CCDC158: variants seen among roughly 807,000 people sequenced by gnomAD.
The protein encoded by CCDC158 is coiled-coil domain containing 158, also known as coiled-coil domain-containing protein 158.
In CCDC158, 116 loss-of-function variants were observed where a neutral mutation model predicts 138.6. The ratio of observed to expected loss-of-function variants is 0.84; its 90% CI spans 0.72 to 0.98. CCDC158 has a LOEUF of 0.98. Among genes scored for constraint, CCDC158 ranks in the 50% least tolerant of loss-of-function variants. The pLI is 0.00. For synonymous variants in CCDC158, 436 were observed against 442.4 expected, an observed-to-expected ratio of 0.99 and a Z score of 0.18; for missense variants, 1,265 against 1,306.1, an observed-to-expected ratio of 0.97 and a Z score of 0.48.
At chr4:76,345,518 A>T (rs1722463546) in intron 18 of CCDC158, 6 of 938,006 alleles carry the variant, frequency 6.4e-6, no homozygotes, top group Non-Finnish European at 1.1e-5. Flanking sequence ...AAATGTCTGA[A>T]CTGGAAATAA....
intron 18 of CCDC158, among the ~76,000 whole-genome samples, chr4:76,343,806 AC>A (rs1451755163): frequency 3.3e-5 from 5 of 152,152 alleles, no homozygotes; most frequent in Non-Finnish European, 5.9e-5. Context: ...ATCTCAAAAA[AC>A]AAAACAAACA....
At chr4:76,408,253 T>C (rs993088853) in intron 2 of CCDC158, among the ~76,000 whole-genome samples, 1 of 151,920 alleles carries the variant, frequency 6.6e-6, no homozygotes, top group Non-Finnish European at 1.5e-5. Flanking sequence ...TTGTTACATA[T>C]GTACACATGT....
intron 12 of CCDC158, among the ~76,000 whole-genome samples, chr4:76,364,822 A>G (rs761608823): frequency 2.5e-4 from 38 of 152,220 alleles, no homozygotes; most frequent in Non-Finnish European, 4.6e-4. Flanking sequence ...CCAATGATAC[A>G]TCTGAAATAT....
chr4:76,392,622 C>G (rs754989457), intron 4 of CCDC158, among the ~76,000 whole-genome samples: 15 of 151,880 alleles, frequency 9.9e-5, no homozygotes, highest in Non-Finnish European at 1.6e-4. Context: ...CAACATAGTA[C>G]TGGAAGTCCT....
At chr4:76,368,705 G>A (rs1172260225) in intron 11 of CCDC158, among the ~76,000 whole-genome samples, 4 of 152,142 alleles carry the variant, frequency 2.6e-5, no homozygotes, top group Admixed American at 1.3e-4. Flanking sequence ...AGAGAGGCAA[G>A]TCTCTTTTGG....
Position 76,384,135 on chromosome 4 carries a change from T to C in CCDC158, c.679A>G (p.Arg227Gly). Residue 227 changes from arginine to glycine, a missense_variant, in exon 6 of 25, where the codon AGA becomes GGA. By Grantham distance (125) the Arg-to-Gly change is moderately radical (BLOSUM62 -2). Coordinates refer to ENST00000682701, the MANE Select transcript of CCDC158 (RefSeq NM_001394954.1). ...SLGSAISKIL[R>G]ELDTEISYLK... ...TAAGAAATCTCTGTGTCTAATTCTCTTAGTATTTTACTAATAGCTGAGCCC... is the reference window on the plus strand; with the variant it reads ...TAAGAAATCTCTGTGTCTAATTCTCCTAGTATTTTACTAATAGCTGAGCCC... 1 of 1,613,690 alleles carries C rather than the reference T, an allele frequency of 6.2e-7. No individual in the cohort carries two copies. Among genetic ancestry groups the C allele is most frequent in the Non-Finnish European group, 8.5e-7 (1 of 1,179,734 alleles).
At chr4:76,362,789 T>A (rs537677690) in intron 12 of CCDC158, among the ~76,000 whole-genome samples, 1 of 152,246 alleles carries the variant, frequency 6.6e-6, no homozygotes, top group East Asian at 1.9e-4. Flanking sequence ...TGGATAGCAA[T>A]AAACAAAACA....
At chr4:76,359,126 C>A (rs1723874260) in intron 13 of CCDC158, among the ~76,000 whole-genome samples, 1 of 151,908 alleles carries the variant, frequency 6.6e-6, no homozygotes, top group Non-Finnish European at 1.5e-5. Flanking sequence ...CTACTGCTAC[C>A]ATGTGAAGAT....
chr4:76,332,931 T>C lies in CCDC158; in HGVS notation c.2823-440A>G, dbSNP rs1721130337. The stretch of plus-strand genomic sequence containing the variant: ...TACTTCTGGCTTTTCCTCTGCTTCA[T>C]AGGAGGAGGCATGTCAATATATGCC... On this transcript the variant is annotated intron_variant, in intron 19 of 24. Transcript: ENST00000682701. Among the ~76,000 whole-genome samples, 3 of 152,184 alleles carry C rather than the reference T, an allele frequency of 2.0e-5. No individual in the cohort carries two copies. In the South Asian group the frequency reaches 6.2e-4, roughly 32 times the overall value.
chr4:76,371,333 T>C (rs1725215134), intron 10 of CCDC158, 84 bp downstream of exon 10: 4 of 1,368,294 alleles, frequency 2.9e-6, no homozygotes, highest in Admixed American at 2.1e-5. Flanking sequence ...TTTGTAATTT[T>C]ATAAAGGAAA....
chr4:76,341,181 C>T (rs1053949689), intron 18 of CCDC158, among the ~76,000 whole-genome samples: 1 of 151,978 alleles, frequency 6.6e-6, no homozygotes, highest in Non-Finnish European at 1.5e-5. Flanking sequence ...TTTCTAATGG[C>T]CTTAAGTCTA....
chr4:76,358,803 T>C (rs1723832267), intron 13 of CCDC158, among the ~76,000 whole-genome samples: 1 of 152,212 alleles, frequency 6.6e-6, no homozygotes, highest in South Asian at 2.1e-4. Flanking sequence ...TTTATCTCCC[T>C]ACTAGACTGT....
intron 18 of CCDC158, among the ~76,000 whole-genome samples, chr4:76,346,464 C>T (rs957241528): frequency 4.6e-5 from 7 of 152,194 alleles, no homozygotes; most frequent in Admixed American, 6.5e-5. Flanking sequence ...GTAATCCCAA[C>T]GCTTTGGGAG....
At chr4:76,394,604 T>C (rs137942970) in intron 4 of CCDC158, among the ~76,000 whole-genome samples, 7,342 of 152,154 alleles carry the variant, frequency 0.048, 389 homozygotes, top group East Asian at 0.23. Context: ...AATTTAATTG[T>C]ACATTTTCAA....
intron 4 of CCDC158, among the ~76,000 whole-genome samples, chr4:76,393,941 C>A (rs1727539033): frequency 6.6e-6 from 1 of 151,866 alleles, no homozygotes; most frequent in South Asian, 2.1e-4. Context: ...ATCAACTCAC[C>A]CCAGTTAAAA....
At chr4:76,391,210 G>A (rs1479939793) in intron 4 of CCDC158, among the ~76,000 whole-genome samples, 1 of 151,928 alleles carries the variant, frequency 6.6e-6, no homozygotes, top group Non-Finnish European at 1.5e-5. Context: ...ATAGACACAG[G>A]AATGTTCTGG....
intron 18 of CCDC158, among the ~76,000 whole-genome samples, chr4:76,349,868 C>T (rs189103650): frequency 6.6e-6 from 1 of 152,096 alleles, no homozygotes; most frequent in East Asian, 1.9e-4. Flanking sequence ...CTTGGTGACC[C>T]TAGAGGTCAT....
chr4:76,328,937 CCT>C lies in CCDC158; in HGVS notation c.2971_2972del (p.Arg991GlyfsTer30), dbSNP rs752470381. On this transcript the variant is annotated frameshift_variant, in exon 22 of 25. Coordinates refer to ENST00000682701, the MANE Select transcript of CCDC158 (RefSeq NM_001394954.1). LOFTEE classifies it high-confidence loss of function. The part of the protein sequence containing the change: ...REPVTLHAGD[R>X]EDPSGCFTFT... ...ATGTGAAGCAACCAGAGGGATCTTCCCTGTCTCCTGCGTGTAATGTGACTGGC... is the reference window on the plus strand; with the variant it reads ...ATGTGAAGCAACCAGAGGGATCTTCCGTCTCCTGCGTGTAATGTGACTGGC... 6.2e-7 allele frequency: 1 copy of C among 1,613,890 alleles called. No homozygotes were observed.
chr4:76,323,276 G>A (rs2110079661), intron 24 of CCDC158, 26 bp downstream of exon 24: 2 of 1,504,520 alleles, frequency 1.3e-6, no homozygotes, highest in East Asian at 4.5e-5. Context: ...GAGCGAGGAA[G>A]ATCTCTCCAA....
Sources: gnomAD v4.1 joint callset for allele counts (sites outside exome capture counted in the v4.1 genomes callset) on GRCh38, gnomAD v4.1.1 for gene constraint, MANE v1.5 for transcripts, NCBI Gene and HGNC (gene_info 2026-07-23, HGNC 2026-07-21) for gene names.